PLCB1: variants seen among roughly 807,000 people sequenced by gnomAD.
The protein encoded by PLCB1 is phospholipase C beta 1.
A neutral mutation model predicts 161.8 loss-of-function variants in PLCB1; 46 were observed. That is an observed-to-expected ratio of 0.28 (90% confidence interval 0.22 to 0.36). The LOEUF (loss-of-function observed/expected upper bound fraction) is 0.36. PLCB1 is among the 10% of genes least tolerant of loss of function. PLCB1 has a pLI of 1.00. For synonymous variants in PLCB1, 517 were observed against 503.7 expected (o/e 1.03, Z -0.35); for missense variants, 1,016 against 1,472.5 (o/e 0.69, Z 5.07).
chr20:8,353,784 G>A (rs1986265735), intron 2 of PLCB1, among the ~76,000 whole-genome samples: 1 of 152,118 alleles, frequency 6.6e-6, no homozygotes, highest in African/African-American at 2.4e-5. Context: ...ATGCAGTATG[G>A]TGTCGTGAAT....
chr20:8,551,329 T>C (rs1342346426), intron 3 of PLCB1, among the ~76,000 whole-genome samples: 1 of 152,222 alleles, frequency 6.6e-6, no homozygotes, highest in Non-Finnish European at 1.5e-5. Flanking sequence ...CCTCAGACTT[T>C]TATTCTAATG....
At chr20:8,833,348 T>C (rs905676365) in intron 31 of PLCB1, among the ~76,000 whole-genome samples, 5 of 152,170 alleles carry the variant, frequency 3.3e-5, no homozygotes, top group African/African-American at 1.2e-4. Context: ...TCAGATCTCA[T>C]GAGACTTATT....
intron 1 of PLCB1, among the ~76,000 whole-genome samples, chr20:8,137,354 A>G (rs562506346): frequency 6.6e-6 from 1 of 152,358 alleles, no homozygotes; most frequent in Admixed American, 6.5e-5. Flanking sequence ...GTTATGGGAA[A>G]CAGGGAGGAA....
intron 1 of PLCB1, among the ~76,000 whole-genome samples, chr20:8,134,658 G>A (rs2051327029): frequency 6.6e-6 from 1 of 152,058 alleles, no homozygotes. Context: ...CATGCTAGGT[G>A]GAGGAGACAA....
At chr20:8,322,416 C>T (rs925953182) in intron 2 of PLCB1, among the ~76,000 whole-genome samples, 3 of 151,988 alleles carry the variant, frequency 2.0e-5, no homozygotes, top group African/African-American at 7.2e-5. Flanking sequence ...TTATTTAGCC[C>T]CATCCTACAA....
At chr20:8,510,030 T>C (rs1337344063) in intron 3 of PLCB1, among the ~76,000 whole-genome samples, 1 of 152,220 alleles carries the variant, frequency 6.6e-6, no homozygotes, top group Admixed American at 6.5e-5. Context: ...GTGATTATAA[T>C]TTATGACCAA....
intron 3 of PLCB1, among the ~76,000 whole-genome samples, chr20:8,491,349 C>T (rs941377566): frequency 6.6e-6 from 1 of 152,004 alleles, no homozygotes; most frequent in Non-Finnish European, 1.5e-5. Flanking sequence ...GCTCCTTGAT[C>T]TATGAGTTTA....
chr20:8,856,038 AACT>A (rs1459056226), intron 31 of PLCB1, among the ~76,000 whole-genome samples: 1 of 152,092 alleles, frequency 6.6e-6, no homozygotes, highest in Non-Finnish European at 1.5e-5. Context: ...ACACCACAAA[AACT>A]ACAATACTGG....
At position 8,658,697 on chromosome 20, in the gene PLCB1, C is replaced by G. The variant is rs1989536075; in HGVS notation, c.855C>G (p.Ala285=). Residue 285 remains alanine (A), a synonymous_variant, in exon 9 of 32, where the codon GCC becomes GCG. Coordinates refer to ENST00000338037, the MANE Select transcript of PLCB1 (RefSeq NM_015192.4). ...AGTATGAACCCAACAACAGCCTCGC[C>G]AGAAAAGGTCAGTACTTTCTTTCAC... is the stretch of plus-strand genomic sequence containing the variant. ...IEKYEPNNSL[A]RKGQISVDGF... The G allele has an allele frequency of 6.2e-7, 1 of 1,601,772 alleles. No homozygotes were observed. The highest frequency in any genetic ancestry group is 8.5e-7 in the Non-Finnish European group (1 of 1,175,744).
chr20:8,341,201 A>G (rs16994691), intron 2 of PLCB1, among the ~76,000 whole-genome samples: 1,626 of 152,196 alleles, frequency 0.011, 14 homozygotes, highest in Middle Eastern at 0.02. Flanking sequence ...TGAAATCAAC[A>G]GGTACTACTC....
At chr20:8,582,797 G>C (rs990790551) in intron 3 of PLCB1, among the ~76,000 whole-genome samples, 1 of 152,116 alleles carries the variant, frequency 6.6e-6, no homozygotes, top group Non-Finnish European at 1.5e-5. Context: ...AGACCAGCCT[G>C]GCCCACATGG....
intron 3 of PLCB1, among the ~76,000 whole-genome samples, chr20:8,503,556 C>G (rs989458556): frequency 1.3e-5 from 2 of 152,038 alleles, no homozygotes; most frequent in African/African-American, 4.8e-5. Flanking sequence ...TTTTTCCTTC[C>G]CTTCCTATTA....
chr20:8,619,070 C>T (rs1988106715), intron 3 of PLCB1, among the ~76,000 whole-genome samples: 1 of 152,108 alleles, frequency 6.6e-6, no homozygotes, highest in African/African-American at 2.4e-5. Context: ...CTTCAAACTC[C>T]TTCAGTTACC....
intron 31 of PLCB1, among the ~76,000 whole-genome samples, chr20:8,832,775 T>C (rs1023796491): frequency 2.6e-5 from 4 of 152,248 alleles, no homozygotes; most frequent in African/African-American, 9.6e-5. Flanking sequence ...TTTACCTTAA[T>C]AAGTAACTGT....
rs527726376 is a variant in PLCB1, at chr20:8,862,420, C to G, written c.3424-19202C>G. ...TCTCCTGTACATCAATTTCTCTTCT[C>G]CGTTTGGAAATAGCTTCATAGCAGG... On this transcript the variant is annotated intron_variant, in intron 31 of 31. Coordinates refer to ENST00000338037, the MANE Select transcript of PLCB1 (RefSeq NM_015192.4). 1.1e-4 allele frequency among the ~76,000 whole-genome samples: 17 copies of G among 152,298 alleles called. No individual in the cohort carries two copies. The South Asian group carries it at 3.5e-3, about 32-fold the overall frequency.
At chr20:8,384,594 G>C (rs984521604) in intron 3 of PLCB1, among the ~76,000 whole-genome samples, 1 of 152,108 alleles carries the variant, frequency 6.6e-6, no homozygotes, top group African/African-American at 2.4e-5. Flanking sequence ...CTTTGGAGGA[G>C]AAGAGGCACT....
At chr20:8,574,879 T>A (rs761008) in intron 3 of PLCB1, among the ~76,000 whole-genome samples, 2 of 152,144 alleles carry the variant, frequency 1.3e-5, no homozygotes, top group Non-Finnish European at 2.9e-5. Flanking sequence ...AGAAAAGATA[T>A]AAAGGCTGAT....
At chr20:8,319,984 C>T (rs142362726) in intron 2 of PLCB1, among the ~76,000 whole-genome samples, 25 of 151,998 alleles carry the variant, frequency 1.6e-4, no homozygotes, top group African/African-American at 6.0e-4. Context: ...CACCCTAAAA[C>T]TTAAAGTATA....
intron 2 of PLCB1, among the ~76,000 whole-genome samples, chr20:8,199,343 T>A (rs1343924018): frequency 6.6e-6 from 1 of 152,134 alleles, no homozygotes; most frequent in Non-Finnish European, 1.5e-5. Context: ...ATTGGAATTA[T>A]TAAGTCAAGT....
Sources: gnomAD v4.1 joint callset for allele counts (sites outside exome capture counted in the v4.1 genomes callset) on GRCh38, gnomAD v4.1.1 for gene constraint, MANE v1.5 for transcripts, NCBI Gene and HGNC (gene_info 2026-07-23, HGNC 2026-07-21) for gene names.